The following GRIA4 variants were observed in gnomAD, a reference collection of about 807,000 sequenced individuals.
GRIA4 encodes glutamate ionotropic receptor AMPA type subunit 4.
A neutral mutation model predicts 104.0 loss-of-function variants in GRIA4; 34 were observed. That is an observed-to-expected ratio of 0.33 (90% CI 0.25 to 0.44). The LOEUF (loss-of-function observed/expected upper bound fraction) is 0.44. GRIA4 is among the 20% of genes least tolerant of loss of function. The probability of loss-of-function intolerance (pLI) is 1.00; values close to 1 mark genes in which losing one functional copy is unlikely to be tolerated. For synonymous variants in GRIA4, 386 were observed against 381.9 expected (o/e 1.01, Z -0.13); for missense variants, 750 against 1,096.5 (o/e 0.68, Z 4.46).
chr11:105,979,737 T>A lies in GRIA4; in HGVS notation c.2707T>A (p.Ter903LysextTer5), dbSNP rs775692681. 6.2e-7 allele frequency: 1 copy of A among 1,609,310 alleles called. No homozygotes were observed. Among genetic ancestry groups the A allele is most frequent in the South Asian group, 1.1e-5 (1 of 90,774 alleles). Reference protein sequence around the residue: ...GLAVIASDLP* With the variant: ...GLAVIASDLPK ...GGCTGTCATTGCATCGGACCTACCA[T>A]AAAAACCAAAAAAATAATTGAGTGC... The change falls in exon 17 of 17, where the codon TAA (stop) becomes AAA (lysine). Residue 903 changes from the stop codon to lysine, a stop_lost. Coordinates refer to ENST00000282499, the MANE Select transcript of GRIA4 (RefSeq NM_000829.4).
chr11:105,816,894 T>C (rs1943398703), intron 4 of GRIA4, among the ~76,000 whole-genome samples: 1 of 152,054 alleles, frequency 6.6e-6, no homozygotes, highest in African/African-American at 2.4e-5. Flanking sequence ...TGCATGCCCA[T>C]AGTCCTAGAT....
intron 3 of GRIA4, among the ~76,000 whole-genome samples, chr11:105,663,679 C>G (rs1426893014): frequency 1.3e-5 from 2 of 151,864 alleles, no homozygotes; most frequent in Non-Finnish European, 2.9e-5. Flanking sequence ...AGGAGCAGCA[C>G]TTAGAAGAAC....
At chr11:105,922,559 A>T (rs2136191290) in intron 11 of GRIA4, among the ~76,000 whole-genome samples, 1 of 152,268 alleles carries the variant, frequency 6.6e-6, no homozygotes, top group South Asian at 2.1e-4. Context: ...CAAACTTAAT[A>T]AATGATTGAG....
chr11:105,892,640 T>A (rs1246430857), intron 6 of GRIA4, among the ~76,000 whole-genome samples: 1 of 152,174 alleles, frequency 6.6e-6, no homozygotes, highest in Non-Finnish European at 1.5e-5. Context: ...TGACGTGCAG[T>A]GACCCTAGTT....
chr11:105,697,673 T>C (rs1214342723), intron 3 of GRIA4, among the ~76,000 whole-genome samples: 1 of 152,118 alleles, frequency 6.6e-6, no homozygotes, highest in Non-Finnish European at 1.5e-5. Context: ...TTAATTAAGA[T>C]AGATTTATTT....
intron 4 of GRIA4, among the ~76,000 whole-genome samples, chr11:105,770,630 G>A (rs1032010026): frequency 3.9e-5 from 6 of 151,916 alleles, no homozygotes; most frequent in Admixed American, 6.6e-5. Context: ...AGCAAAAAAC[G>A]GGATCACTTT....
At chr11:105,925,028 A>G (rs183335701) in intron 12 of GRIA4, among the ~76,000 whole-genome samples, 224 of 152,264 alleles carry the variant, frequency 1.5e-3, no homozygotes, top group Admixed American at 2.2e-3. Context: ...TATTTCATTC[A>G]TTGGTTTGAC....
At chr11:105,646,552 G>A (rs996680497) in intron 3 of GRIA4, among the ~76,000 whole-genome samples, 2 of 152,082 alleles carry the variant, frequency 1.3e-5, no homozygotes, top group Non-Finnish European at 1.5e-5. Context: ...ATACTACAGG[G>A]CTACACTAAC....
chr11:105,788,563 GA>G (rs751621830), intron 4 of GRIA4, among the ~76,000 whole-genome samples: 1 of 151,976 alleles, frequency 6.6e-6, no homozygotes, highest in African/African-American at 2.4e-5. Context: ...TATGCAGCCA[GA>G]AAAAAAGAAC....
At chr11:105,753,249 C>T (rs1377824229) in intron 4 of GRIA4, 29 bp downstream of exon 4, 1 of 1,603,148 alleles carries the variant, frequency 6.2e-7, no homozygotes, top group African/African-American at 1.3e-5. Context: ...TCTATTAGAG[C>T]AAAACTCTAA....
chr11:105,789,908 G>A (rs1165537756), intron 4 of GRIA4, among the ~76,000 whole-genome samples: 1 of 152,154 alleles, frequency 6.6e-6, no homozygotes, highest in African/African-American at 2.4e-5. Context: ...AGTCCTAAAT[G>A]TCAATTTGAA....
chr11:105,662,992 T>C (rs1156633888), intron 3 of GRIA4, among the ~76,000 whole-genome samples: 25 of 151,740 alleles, frequency 1.6e-4, no homozygotes, highest in Non-Finnish European at 4.4e-5. Flanking sequence ...TCAAAACCAG[T>C]GAATGGGAAC....
At chr11:105,620,491 T>A (rs1385800994) in intron 3 of GRIA4, among the ~76,000 whole-genome samples, 1 of 151,840 alleles carries the variant, frequency 6.6e-6, no homozygotes, top group Non-Finnish European at 1.5e-5. Context: ...AATACAGTAT[T>A]GACAAAATAC....
intron 4 of GRIA4, among the ~76,000 whole-genome samples, chr11:105,834,430 A>T (rs1437863500): frequency 6.6e-6 from 1 of 152,082 alleles, no homozygotes; most frequent in Non-Finnish European, 1.5e-5. Context: ...TCCATGCTAA[A>T]ATCAGCCCAC....
intron 3 of GRIA4, among the ~76,000 whole-genome samples, chr11:105,741,910 G>A (rs906021224): frequency 6.6e-6 from 1 of 152,136 alleles, no homozygotes; most frequent in Non-Finnish European, 1.5e-5. Context: ...TTGCAGTTAT[G>A]TAGGATGAAT....
intron 3 of GRIA4, among the ~76,000 whole-genome samples, chr11:105,714,932 T>C (rs893421300): frequency 1.3e-5 from 2 of 152,070 alleles, no homozygotes; most frequent in Non-Finnish European, 2.9e-5. Context: ...AGTCAAACCA[T>C]CAGCTTTTCT....
chr11:105,802,378 C>T (rs630880), intron 4 of GRIA4, among the ~76,000 whole-genome samples: 103,721 of 151,888 alleles, frequency 0.68, 35,734 homozygotes, highest in African/African-American at 0.79. Context: ...ACTAAGTACT[C>T]ACAATATGAA....
intron 3 of GRIA4, among the ~76,000 whole-genome samples, chr11:105,637,623 G>C (rs1194766365): frequency 1.3e-5 from 2 of 152,184 alleles, no homozygotes; most frequent in Non-Finnish European, 2.9e-5. Flanking sequence ...ATGTAGACTA[G>C]AGAGTGGTAA....
At chr11:105,865,389 A>T (rs1472630298) in intron 5 of GRIA4, among the ~76,000 whole-genome samples, 1 of 152,244 alleles carries the variant, frequency 6.6e-6, no homozygotes, top group African/African-American at 2.4e-5. Flanking sequence ...AGCCTTGAAA[A>T]GAAATCTAAA....
Sources: gnomAD v4.1 joint callset for allele counts (sites outside exome capture counted in the v4.1 genomes callset) on GRCh38, gnomAD v4.1.1 for gene constraint, MANE v1.5 for transcripts, NCBI Gene and HGNC (gene_info 2026-07-23, HGNC 2026-07-21) for gene names.